BAG6: variants seen among roughly 807,000 people sequenced by gnomAD.
BAG6 encodes large proline-rich protein BAG6.
BAG6 carries 22 observed loss-of-function variants against 121.0 expected under a neutral mutation model. The observed-to-expected ratio is 0.18, with a 90% CI of 0.13 to 0.26. The LOEUF is 0.26. Among genes scored for constraint, BAG6 ranks in the 10% least tolerant of loss-of-function variants. The probability of loss-of-function intolerance (pLI) is 1.00; values close to 1 mark genes in which losing one functional copy is unlikely to be tolerated. For missense variants in BAG6, 1,233 were observed against 1,537.7 expected, an observed-to-expected ratio of 0.80 and a Z score of 3.31; for synonymous variants, 583 against 584.6, an observed-to-expected ratio of 1.00 and a Z score of 0.04.
chr6:31,646,006 G>A (rs1013179774), intron 8 of BAG6, among the ~76,000 whole-genome samples: 1 of 152,104 alleles, frequency 6.6e-6, no homozygotes, highest in African/African-American at 2.4e-5. Context: ...TTTGTTTTTT[G>A]AGACAGTCTC....
rs1258430383 is a variant in BAG6, at chr6:31,639,244, G to C, written c.3394-18C>G. On this transcript the variant is annotated intron_variant, in intron 25 of 25. Transcript: ENST00000676615. ...GACCGGAGCTAAAGAGAAAAAGTAA[G>C]CAGGTTGGAGAAACGCTGGCCAAGT... is the stretch of plus-strand genomic sequence containing the variant. The C allele has an allele frequency of 1.9e-6, 3 of 1,596,766 alleles. No homozygotes were observed. In the African/African-American group the frequency reaches 4.0e-5, roughly 21 times the overall value.
chr6:31,651,546 A>AG, intron 2 of BAG6, 110 bp downstream of exon 2: 4 of 892,810 alleles, frequency 4.5e-6, no homozygotes, highest in Non-Finnish European at 6.8e-6. Context: ...CTCAAAAAAA[A>AG]GAAAAAAAAA....
At position 31,644,604 on chromosome 6, in the gene BAG6, T is replaced by C. The variant is rs1786822708; in HGVS notation, c.1370-2A>G. 3 of 1,612,336 alleles carry C rather than the reference T, an allele frequency of 1.9e-6. No individual in the cohort carries two copies. Among genetic ancestry groups the C allele is most frequent in the Non-Finnish European group, 2.5e-6 (3 of 1,179,844 alleles). On this transcript the variant is annotated splice_acceptor_variant, in intron 10 of 25. Transcript: ENST00000676615. LOFTEE classifies it high-confidence loss of function. The surrounding 1 kb of genome is among the most constrained non-coding windows in gnomAD (Gnocchi z 4.9). ...CACCACCAGGCTGTGTGCCAGAATC[T>C]GGGCAGGGAGACAGAGACAGTGGCC...
Position 31,651,744 on chromosome 6 carries a change from G to C in BAG6, c.20C>G (p.Thr7Ser). Residue 7 changes from threonine (T) to serine (S), a missense_variant, in exon 2 of 26, where the codon ACC becomes AGC. Thr to Ser is a moderately conservative substitution (Grantham distance 58). Around this residue, in one of 7 missense-constraint regions of BAG6, gnomAD observed 25 missense variants for 16.5 expected, o/e 1.52. Coordinates refer to ENST00000676615, the MANE Select transcript of BAG6 (RefSeq NM_001387994.1). MEPNDS[T>S]STAVEEPDSL... Reference sequence around the variant, plus strand: ...GTCAGGCTCCTCCACAGCGGTACTGGTACTATCATTAGGCTCCATGGCCGA... The same window carrying C: ...GTCAGGCTCCTCCACAGCGGTACTGCTACTATCATTAGGCTCCATGGCCGA... 2 of 1,612,984 alleles carry C rather than the reference G, an allele frequency of 1.2e-6. No homozygotes were observed. Among genetic ancestry groups the C allele is most frequent in the Non-Finnish European group, 1.7e-6 (2 of 1,180,004 alleles).
chr6:31,649,878 G>C (rs1794399487), intron 2 of BAG6, among the ~76,000 whole-genome samples: 1 of 152,150 alleles, frequency 6.6e-6, no homozygotes, highest in Non-Finnish European at 1.5e-5. Flanking sequence ...AAGGCAGGCA[G>C]ATCACATTAG....
intron 2 of BAG6, 82 bp from the exon 3 acceptor site, chr6:31,649,709 G>T: frequency 7.9e-7 from 1 of 1,273,748 alleles, no homozygotes; most frequent in South Asian, 1.2e-5. Flanking sequence ...TTGTGGAGGT[G>T]AGGGGTAAAA....
In BAG6 at chr6:31,643,115, G is replaced by A; in HGVS notation, c.1757C>T (p.Ala586Val). The stretch of plus-strand genomic sequence containing the variant: ...TGGAGCCATACCTGGGGTCCCCTGA[G>A]CTGTAAGAAACCAAAAAAAGAAAGC... ...GQLLMQPVLV[A>V]QGTPGMAPPP... is the part of the protein sequence containing the mutation. Residue 586 changes from alanine (A) to valine (V), a missense_variant and splice_region_variant, in exon 15 of 26, where the codon GCT (alanine) becomes GTT (valine). This residue lies in a region of BAG6 where 777 missense variants were observed against 861.4 expected (regional missense o/e 0.90). Transcript: ENST00000676615. 3 of 1,560,212 alleles carry A rather than the reference G, an allele frequency of 1.9e-6. No individual in the cohort carries two copies. The highest frequency in any genetic ancestry group is 2.6e-6 in the Non-Finnish European group (3 of 1,161,300).
Position 31,641,792 on chromosome 6 carries a change from G to A in BAG6, c.2489C>T (p.Thr830Ile), listed in dbSNP as rs772781629. 1.2e-6 allele frequency: 2 copies of A among 1,613,202 alleles called. No individual in the cohort carries two copies. The highest frequency in any genetic ancestry group is 1.7e-5 in the Admixed American group (1 of 60,022). The change falls in exon 17 of 26, where the codon ACA becomes ATA. Residue 830 changes from threonine (T) to isoleucine (I), a missense_variant. Thr to Ile is a moderately conservative substitution (Grantham distance 89, BLOSUM62 -1). Around this residue, in one of 7 missense-constraint regions of BAG6, gnomAD observed 288 missense variants for 483.1 expected, o/e 0.60. Coordinates refer to ENST00000676615, the MANE Select transcript of BAG6 (RefSeq NM_001387994.1). The surrounding 1 kb of genome is among the most constrained non-coding windows in gnomAD (Gnocchi z 5.7). ...TTCATTTACCCGGATGTTACTGGGT[G>A]TGGGCTCCTGACCACCCAGGTAGTG... Reference protein sequence around the residue: ...HQHYLGGQEPTPSNIRMATHT... With the variant: ...HQHYLGGQEPIPSNIRMATHT...
At chr6:31,642,032 G>A in intron 16 of BAG6, 80 bp downstream of exon 16, 1 of 1,594,242 alleles carries the variant, frequency 6.3e-7, no homozygotes, top group Non-Finnish European at 8.6e-7. Flanking sequence ...TCCCACCTTG[G>A]CAACACCCCT....
In BAG6 at chr6:31,639,661, G is replaced by T. The variant is rs202237524; in HGVS notation, c.3247-15C>A. On this transcript the variant is annotated splice_polypyrimidine_tract_variant and intron_variant, in intron 24 of 25. Transcript: ENST00000676615. ...CCCTGCATCGTCTGGGGGACAGGGG[G>T]TTGGGAGGGAAAAGAGGATCAACGT... The T allele has an allele frequency of 2.5e-6, 4 of 1,596,824 alleles. No individual in the cohort carries two copies. Among genetic ancestry groups the T allele is most frequent in the African/African-American group, 1.3e-5 (1 of 74,350 alleles).
chr6:31,645,717 T>G (rs1236929875), intron 8 of BAG6, 113 bp from the exon 9 acceptor site: 8 of 1,316,100 alleles, frequency 6.1e-6, no homozygotes, highest in Non-Finnish European at 8.5e-6. Context: ...AACTTTCAGT[T>G]ATATCCTTGG....
chr6:31,651,959 G>C, intron 1 of BAG6, 183 bp from the exon 2 acceptor site: 1 of 549,718 alleles, frequency 1.8e-6, no homozygotes, highest in Non-Finnish European at 3.3e-6. Flanking sequence ...AAGGGCAGGA[G>C]ATCGACGGCT....
In BAG6 at chr6:31,647,617, T is replaced by A. The variant is rs1189143441; in HGVS notation, c.762A>T (p.Thr254=). The A allele has an allele frequency of 6.2e-7, 1 of 1,608,578 alleles. No individual in the cohort carries two copies. Among genetic ancestry groups the A allele is most frequent in the South Asian group, 1.1e-5 (1 of 90,362 alleles). ...LTPGPAPAGP[T]PAPETNAPNH... ...TGGGTGCATTTGTTTCCGGGGCAGG[T>A]GTTGGGCCCGCTGGGGCTGGGCCAG... The change falls in exon 7 of 26, where the codon ACA becomes ACT. Residue 254 remains threonine, a synonymous_variant. Coordinates refer to ENST00000676615, the MANE Select transcript of BAG6 (RefSeq NM_001387994.1).
chr6:31,640,933 A>G lies in BAG6; in HGVS notation c.2793T>C (p.Arg931=). The change falls in exon 21 of 26, where the codon CGT becomes CGC. Residue 931 remains arginine (R), a synonymous_variant. Coordinates refer to ENST00000676615, the MANE Select transcript of BAG6 (RefSeq NM_001387994.1). This position sits in a 1 kb window ranked among gnomAD's most constrained non-coding sequence, Gnocchi z 4.2. ...LAAVINGRIR[R]MSRGVNPSLV... Reference sequence around the variant, plus strand: ...AGGAGGGATTCACCCCACGAGACATACGACGCTGAGGGACAGAAAGCAGAT... The same window carrying G: ...AGGAGGGATTCACCCCACGAGACATGCGACGCTGAGGGACAGAAAGCAGAT... 3 of 1,612,624 alleles carry G rather than the reference A, an allele frequency of 1.9e-6. No individual in the cohort carries two copies. The highest frequency in any genetic ancestry group is 8.5e-7 in the Non-Finnish European group (1 of 1,179,810).
At position 31,641,901 on chromosome 6, in the gene BAG6, T is replaced by C. The variant is rs1376926492; in HGVS notation, c.2380A>G (p.Met794Val). ...LLSLLCQNFS[M>V]VDVVMLLHGH... ...TGGAGAAGCATCACTACGTCCACCA[T>C]AGAGAAGTTCTGGCACAGAAGAGAA... is the stretch of plus-strand genomic sequence containing the variant. Residue 794 changes from methionine to valine, a missense_variant, in exon 17 of 26, where the codon ATG becomes GTG. Physicochemically the swap from Met to Val is conservative, Grantham distance 21 (BLOSUM62 1). This residue lies in a region of BAG6 where 288 missense variants were observed against 483.1 expected (regional missense o/e 0.60). Coordinates refer to ENST00000676615, the MANE Select transcript of BAG6 (RefSeq NM_001387994.1). The surrounding 1 kb of genome is among the most constrained non-coding windows in gnomAD (Gnocchi z 5.7). The C allele has an allele frequency of 1.2e-6, 2 of 1,612,880 alleles. No individual in the cohort carries two copies. Among genetic ancestry groups the C allele is most frequent in the Non-Finnish European group, 1.7e-6 (2 of 1,179,986 alleles).
Position 31,641,284 on chromosome 6 carries a change from C to G in BAG6, c.2662+36G>C. 1 of 1,613,784 alleles carries G rather than the reference C, an allele frequency of 6.2e-7. No individual in the cohort carries two copies. Among genetic ancestry groups the G allele is most frequent in the Non-Finnish European group, 8.5e-7 (1 of 1,179,690 alleles). ...GCACGTGGCAGCCCTGCACATGCAA[C>G]AGGCCCCACTTGCCCCCGCCTGGCC... is the stretch of plus-strand genomic sequence containing the variant. On this transcript the variant is annotated intron_variant, in intron 19 of 25. Transcript: ENST00000676615. This position sits in a 1 kb window ranked among gnomAD's most constrained non-coding sequence, Gnocchi z 5.7.
intron 15 of BAG6, 122 bp from the exon 16 acceptor site, chr6:31,642,525 T>G: frequency 1.6e-6 from 1 of 640,260 alleles, no homozygotes; most frequent in Non-Finnish European, 2.7e-6. Context: ...TACATTCTGA[T>G]CTTCACTGCT....
chr6:31,642,168 A>G lies in BAG6; in HGVS notation c.2279T>C (p.Ile760Thr). The G allele has an allele frequency of 6.2e-7, 1 of 1,612,930 alleles. No homozygotes were observed. Among genetic ancestry groups the G allele is most frequent in the Non-Finnish European group, 8.5e-7 (1 of 1,179,994 alleles). ...GTTGCTGGATCCACTGAGGCGTTGT[A>G]TGAAGGCAGCAATACTTTCACTGCT... Reference protein sequence around the residue: ...AGSSESIAAFIQRLSGSSNIF... With the variant: ...AGSSESIAAFTQRLSGSSNIF... The change falls in exon 16 of 26, where the codon ATA (isoleucine) becomes ACA (threonine). Residue 760 changes from isoleucine to threonine, a missense_variant. Coordinates refer to ENST00000676615, the MANE Select transcript of BAG6 (RefSeq NM_001387994.1).
Position 31,649,315 on chromosome 6 carries a change from C to T in BAG6, c.307G>A (p.Gly103Arg). The change falls in exon 4 of 26, where the codon GGG (glycine) becomes AGG (arginine). Residue 103 changes from glycine to arginine, a missense_variant. Physicochemically the swap from Gly to Arg is moderately radical, Grantham distance 125 (BLOSUM62 -2). Coordinates refer to ENST00000676615, the MANE Select transcript of BAG6 (RefSeq NM_001387994.1). The stretch of plus-strand genomic sequence containing the variant: ...CCACCATGAGTGGCTGAGGCAGACC[C>T]CGTCCCAGAAGATGCCCCAGAAGGG... ...HLPSGASSGT[G>R]SASATHGGGS... 2 of 1,613,336 alleles carry T rather than the reference C, an allele frequency of 1.2e-6. No homozygotes were observed. The highest frequency in any genetic ancestry group is 1.1e-5 in the South Asian group (1 of 91,048).
Sources: allele counts gnomAD v4.1 joint callset (sites outside exome capture counted in the v4.1 genomes callset), GRCh38; gene constraint gnomAD v4.1.1; regional missense constraint gnomAD v4.1.1; non-coding constraint Gnocchi (gnomAD v3.1); transcripts MANE v1.5; gene names NCBI Gene and HGNC (gene_info 2026-07-23, HGNC 2026-07-21).